Variants in CFAP299 observed in about 807,000 individuals in gnomAD.
The protein encoded by CFAP299 is cilia and flagella associated protein 299.
Under a neutral mutation model 27.0 loss-of-function variants are expected in CFAP299, and 21 were observed. The observed-to-expected ratio is 0.78, with a 90% confidence interval of 0.55 to 1.12. CFAP299 has a LOEUF of 1.12. CFAP299 is among the 50% of genes most tolerant of loss of function. The pLI is 0.00. For synonymous variants in CFAP299, 104 were observed against 98.1 expected, an observed-to-expected ratio of 1.06 and a Z score of -0.36; for missense variants, 310 against 276.6, an observed-to-expected ratio of 1.12 and a Z score of -0.86.
At chr4:80,737,820 C>T (rs1479772172) in intron 3 of CFAP299, among the ~76,000 whole-genome samples, 1 of 151,906 alleles carries the variant, frequency 6.6e-6, no homozygotes, top group Non-Finnish European at 1.5e-5. Context: ...AGGTCAACAA[C>T]TTCAGGTTGG....
At chr4:80,335,979 T>A in intron 1 of CFAP299, 100 bp downstream of exon 1, 1 of 752,428 alleles carries the variant, frequency 1.3e-6, no homozygotes, top group Non-Finnish European at 2.3e-6. Flanking sequence ...GCTGGACAGC[T>A]CAGCTGTCAG....
chr4:80,798,668 T>C (rs1728013694), intron 3 of CFAP299, among the ~76,000 whole-genome samples: 1 of 152,102 alleles, frequency 6.6e-6, no homozygotes, highest in Non-Finnish European at 1.5e-5. Context: ...AGGCTCAGTA[T>C]CTGCTTCTAA....
At chr4:80,536,795 G>C (rs1429192693) in intron 2 of CFAP299, among the ~76,000 whole-genome samples, 1 of 152,026 alleles carries the variant, frequency 6.6e-6, no homozygotes. Flanking sequence ...TCTTTACATT[G>C]GTCTGGGCAA....
intron 3 of CFAP299, among the ~76,000 whole-genome samples, chr4:80,805,940 A>C (rs908404729): frequency 1.3e-5 from 2 of 152,100 alleles, no homozygotes; most frequent in Non-Finnish European, 2.9e-5. Context: ...TGAAGAAAGA[A>C]TATCTCTGCA....
intron 5 of CFAP299, among the ~76,000 whole-genome samples, chr4:80,962,929 T>C (rs1326494824): frequency 1.3e-5 from 2 of 152,014 alleles, no homozygotes; most frequent in Non-Finnish European, 2.9e-5. Context: ...CTTATTTCCA[T>C]AGAGGCTTTC....
the CFAP299 span, among the ~76,000 whole-genome samples, chr4:80,326,846 A>C: frequency 4.6e-5 from 7 of 152,200 alleles, no homozygotes; most frequent in African/African-American, 1.4e-4. Context: ...TAATTACAAA[A>C]TTATATTTTA....
At chr4:80,920,673 A>G (rs1735998836) in intron 4 of CFAP299, among the ~76,000 whole-genome samples, 2 of 152,092 alleles carry the variant, frequency 1.3e-5, no homozygotes, top group South Asian at 2.1e-4. Context: ...AGTTGCTTAC[A>G]TGTAATGTCC....
chr4:80,837,241 T>C (rs1730612659), intron 3 of CFAP299, among the ~76,000 whole-genome samples: 1 of 152,172 alleles, frequency 6.6e-6, no homozygotes, highest in African/African-American at 2.4e-5. Context: ...GTTCATTAAA[T>C]TCTACTGTCA....
At chr4:80,934,355 G>T (rs1017262166) in intron 4 of CFAP299, among the ~76,000 whole-genome samples, 3 of 151,968 alleles carry the variant, frequency 2.0e-5, no homozygotes, top group Non-Finnish European at 4.4e-5. Flanking sequence ...GTTTATCAGG[G>T]TTATTGGTCT....
At chr4:80,420,192 T>C in intron 2 of CFAP299, 2 of 456,110 alleles carry the variant, frequency 4.4e-6, no homozygotes, top group Non-Finnish European at 4.4e-6. Context: ...AGATGGTAAA[T>C]GTTTCTTTCG....
At position 80,763,553 on chromosome 4, in the gene CFAP299, C is replaced by T. The variant is rs1725660867; in HGVS notation, c.334-106440C>T. On this transcript the variant is annotated intron_variant, in intron 3 of 5. Transcript: ENST00000358105. ...CTCATAGTAATTTATAGATTCAATG[C>T]TATTCTCATCAAGAATATCATTGAC... Among the ~76,000 whole-genome samples, 3 of 152,208 alleles carry T rather than the reference C, an allele frequency of 2.0e-5. No homozygotes were observed. In the South Asian group the frequency reaches 6.2e-4, roughly 32 times the overall value.
chr4:80,513,762 T>C (rs1732436181), intron 2 of CFAP299, among the ~76,000 whole-genome samples: 2 of 152,124 alleles, frequency 1.3e-5, no homozygotes, highest in Non-Finnish European at 2.9e-5. Context: ...AGTATTTTTT[T>C]CCAATCATCC....
At chr4:80,874,129 T>C (rs1487707766) in intron 4 of CFAP299, among the ~76,000 whole-genome samples, 1 of 152,198 alleles carries the variant, frequency 6.6e-6, no homozygotes, top group Non-Finnish European at 1.5e-5. Flanking sequence ...AAGCAGTAAA[T>C]GAACCCAGGG....
At chr4:80,574,196 T>C (rs1269758969) in intron 2 of CFAP299, among the ~76,000 whole-genome samples, 3 of 152,142 alleles carry the variant, frequency 2.0e-5, no homozygotes, top group Non-Finnish European at 4.4e-5. Context: ...TTCCTAAGTA[T>C]TTAATTTTGT....
chr4:80,496,252 C>G (rs1048520942), intron 2 of CFAP299, among the ~76,000 whole-genome samples: 11 of 152,174 alleles, frequency 7.2e-5, no homozygotes, highest in African/African-American at 2.7e-4. Flanking sequence ...TAACTCATTT[C>G]TTTACTCCTG....
intron 1 of CFAP299, among the ~76,000 whole-genome samples, chr4:80,352,189 A>G (rs1455671377): frequency 1.3e-5 from 2 of 152,182 alleles, no homozygotes; most frequent in Admixed American, 6.5e-5. Context: ...CAAATTCACA[A>G]TTGTTTCTAG....
intron 4 of CFAP299, among the ~76,000 whole-genome samples, chr4:80,895,427 T>A (rs1734567143): frequency 6.6e-6 from 1 of 152,040 alleles, no homozygotes; most frequent in African/African-American, 2.4e-5. Flanking sequence ...ATTTGGTTAA[T>A]CAACCTTTAG....
chr4:80,792,727 C>A (rs891232881), intron 3 of CFAP299, among the ~76,000 whole-genome samples: 2 of 151,966 alleles, frequency 1.3e-5, no homozygotes, highest in Admixed American at 1.3e-4. Context: ...TGCGTTTATC[C>A]CTTTCACAGC....
chr4:80,749,867 A>T (rs1724835356), intron 3 of CFAP299, among the ~76,000 whole-genome samples: 1 of 152,216 alleles, frequency 6.6e-6, no homozygotes, highest in African/African-American at 2.4e-5. Context: ...CTCCTTTGGC[A>T]ACACCCTCAC....
Sources: gnomAD v4.1 joint callset for allele counts (sites outside exome capture counted in the v4.1 genomes callset) on GRCh38, gnomAD v4.1.1 for gene constraint, MANE v1.5 for transcripts, NCBI Gene and HGNC (gene_info 2026-07-23, HGNC 2026-07-21) for gene names.